APBA2: variants seen among roughly 807,000 people sequenced by gnomAD.
APBA2 encodes the protein amyloid-beta A4 precursor protein-binding family A member 2.
A neutral mutation model predicts 75.0 loss-of-function variants in APBA2; 30 were observed. That is an observed-to-expected ratio of 0.40 (90% CI 0.30 to 0.54). APBA2 has a LOEUF of 0.54. Ranked by LOEUF, APBA2 falls within the 20% of genes least tolerant of loss-of-function variation. APBA2 has a pLI of 0.49. For missense variants in APBA2, 801 were observed against 1,016.1 expected (o/e 0.79, Z 2.88); for synonymous variants, 444 against 409.6 (o/e 1.08, Z -1.01).
intron 4 of APBA2, among the ~76,000 whole-genome samples, chr15:29,056,606 C>T (rs796190191): frequency 0.15 from 675 of 4,492 alleles, 63 homozygotes; most frequent in African/African-American, 0.21. Context: ...CCCTCCCTCC[C>T]TCCCTCCTTC....
intron 9 of APBA2, among the ~76,000 whole-genome samples, chr15:29,100,366 C>T (rs1319073372): frequency 6.6e-6 from 1 of 152,216 alleles, no homozygotes; most frequent in Non-Finnish European, 1.5e-5. Flanking sequence ...GGTGAAGCAG[C>T]ATGCACTGCA....
At chr15:28,900,948 C>T (rs138655201) in intron 1 of APBA2, among the ~76,000 whole-genome samples, 7,957 of 152,278 alleles carry the variant, frequency 0.052, 711 homozygotes, top group African/African-American at 0.18. Flanking sequence ...GGGCTGACCC[C>T]TGGATCCCAG....
chr15:28,972,129 G>A (rs917475669), intron 2 of APBA2, among the ~76,000 whole-genome samples: 1 of 152,138 alleles, frequency 6.6e-6, no homozygotes, highest in African/African-American at 2.4e-5. Flanking sequence ...TAAATGATAA[G>A]GTTCCCCAAA....
At chr15:28,989,329 C>T (rs2038094197) in intron 2 of APBA2, among the ~76,000 whole-genome samples, 1 of 152,186 alleles carries the variant, frequency 6.6e-6, no homozygotes, top group Non-Finnish European at 1.5e-5. Flanking sequence ...CCTCAGTGTC[C>T]TCATCTGCAA....
Position 29,092,840 on chromosome 15 carries a change from CTGTT to C in APBA2, c.1070-231_1070-228del, listed in dbSNP as rs567171441. Among the ~76,000 whole-genome samples, 611 of 152,338 alleles carry C rather than the reference CTGTT, an allele frequency of 4.0e-3. 1 individual carries two copies. The highest frequency in any genetic ancestry group is 0.014 in the African/African-American group (583 of 41,576). ...GAATGCTGGCATTGTCCTCCTGACACTGTTTGTGCAGAGTTTTCTGGCCCAAGTG... is the reference window on the plus strand; with the variant it reads ...GAATGCTGGCATTGTCCTCCTGACACTGTGCAGAGTTTTCTGGCCCAAGTG... On this transcript the variant is annotated intron_variant, in intron 6 of 14. Coordinates refer to ENST00000683413, the MANE Select transcript of APBA2 (RefSeq NM_001353788.2).
At chr15:28,912,613 T>C (rs890886006) in intron 1 of APBA2, among the ~76,000 whole-genome samples, 1 of 152,202 alleles carries the variant, frequency 6.6e-6, no homozygotes, top group Admixed American at 6.5e-5. Flanking sequence ...CCTGGGGACA[T>C]AGCCCAGCAC....
intron 4 of APBA2, among the ~76,000 whole-genome samples, chr15:29,059,966 G>A (rs1368283683): frequency 2.0e-5 from 3 of 152,288 alleles, no homozygotes; most frequent in East Asian, 3.9e-4. Flanking sequence ...GTATCAGCAA[G>A]CCCTTTTCCC....
At chr15:29,040,480 T>C (rs1007453984) in intron 3 of APBA2, among the ~76,000 whole-genome samples, 1 of 152,228 alleles carries the variant, frequency 6.6e-6, no homozygotes, top group Non-Finnish European at 1.5e-5. Context: ...CAGAGAACCA[T>C]AGCAAAGGCT....
intron 4 of APBA2, chr15:29,070,837 G>A (rs1292289612): frequency 3.0e-6 from 1 of 330,638 alleles, no homozygotes; most frequent in Non-Finnish European, 5.9e-6. Context: ...TATCAGATGA[G>A]TAGGGATGAT....
chr15:28,966,249 C>T (rs973925348), intron 2 of APBA2, among the ~76,000 whole-genome samples: 2 of 152,120 alleles, frequency 1.3e-5, no homozygotes, highest in African/African-American at 4.8e-5. Context: ...TGTATCTTTG[C>T]TGATCTTCTG....
chr15:28,939,543 T>TC (rs1215054627), intron 2 of APBA2, among the ~76,000 whole-genome samples: 7 of 152,238 alleles, frequency 4.6e-5, no homozygotes, highest in Admixed American at 1.3e-4. Context: ...TTTTTGTTTT[T>TC]CTTTTCTTTC....
intron 9 of APBA2, 145 bp downstream of exon 9, chr15:29,098,721 G>A: frequency 2.7e-6 from 2 of 738,910 alleles, no homozygotes; most frequent in Non-Finnish European, 4.7e-6. Flanking sequence ...CCGGGCTGCG[G>A]GAGGAGCAAG....
chr15:29,090,091 C>G (rs1222203082), intron 6 of APBA2, among the ~76,000 whole-genome samples: 2 of 152,176 alleles, frequency 1.3e-5, no homozygotes, highest in Non-Finnish European at 2.9e-5. Context: ...GGTTCTCCTC[C>G]CGTGGTGCGT....
At chr15:28,896,069 C>T (rs1379329692) in intron 1 of APBA2, among the ~76,000 whole-genome samples, 1 of 152,060 alleles carries the variant, frequency 6.6e-6, no homozygotes, top group Non-Finnish European at 1.5e-5. Context: ...GCTGTGACTG[C>T]GTCACTCTAC....
intron 2 of APBA2, among the ~76,000 whole-genome samples, chr15:28,937,622 T>C (rs561276537): frequency 2.1e-4 from 32 of 152,210 alleles, no homozygotes; most frequent in Admixed American, 2.0e-3. Context: ...GGGATTCCAC[T>C]GAGGATGGAG....
intron 2 of APBA2, among the ~76,000 whole-genome samples, chr15:28,982,338 A>G (rs1368707501): frequency 1.3e-5 from 2 of 152,244 alleles, no homozygotes; most frequent in Non-Finnish European, 2.9e-5. Flanking sequence ...TAATAAAGTC[A>G]GGTTATCTCA....
At chr15:28,957,725 G>A (rs1368121944) in intron 2 of APBA2, among the ~76,000 whole-genome samples, 1 of 152,184 alleles carries the variant, frequency 6.6e-6, no homozygotes, top group Admixed American at 6.5e-5. Flanking sequence ...GGCGCGTGCC[G>A]AGGGCTGTAG....
At chr15:28,949,746 G>A (rs2035750352) in intron 2 of APBA2, among the ~76,000 whole-genome samples, 1 of 152,202 alleles carries the variant, frequency 6.6e-6, no homozygotes, top group South Asian at 2.1e-4. Context: ...TGGGATTTCA[G>A]GCGTGAGTTA....
chr15:28,959,909 C>T (rs1014837003), intron 2 of APBA2, among the ~76,000 whole-genome samples: 3 of 151,750 alleles, frequency 2.0e-5, no homozygotes, highest in Non-Finnish European at 4.4e-5. Flanking sequence ...TTCGGGAGGC[C>T]GAGGCAGGTG....
Sources: gnomAD v4.1 joint callset for allele counts (sites outside exome capture counted in the v4.1 genomes callset) on GRCh38, gnomAD v4.1.1 for gene constraint, MANE v1.5 for transcripts, NCBI Gene and HGNC (gene_info 2026-07-23, HGNC 2026-07-21) for gene names.